Variants in PUDP observed in about 807,000 individuals in gnomAD.
PUDP encodes the protein pseudouridine 5'-phosphatase.
In PUDP, 8 loss-of-function variants were observed where a neutral mutation model predicts 9.4. The ratio of observed to expected loss-of-function variants is 0.85; its 90% CI spans 0.50 to 1.53. The LOEUF is 1.53. PUDP is among the 40% of genes most tolerant of loss of function. The pLI, the probability that PUDP is intolerant of heterozygous loss-of-function variation, is 0.00. For missense variants in PUDP, 188 were observed against 189.7 expected, an observed-to-expected ratio of 0.99 and a Z score of 0.05; for synonymous variants, 99 against 80.7, an observed-to-expected ratio of 1.23 and a Z score of -1.22.
intron 1 of PUDP, among the ~76,000 whole-genome samples, chrX:6,720,264 A>G (rs1436986026): frequency 3.2e-4 from 27 of 83,136 alleles, no homozygotes; most frequent in African/African-American, 1.3e-3. Context: ...GTGTGTATAT[A>G]TATATATATA....
chrX:7,050,202 G>T lies in PUDP; in HGVS notation c.*94C>A. ...TCAGGAGGCTAAAATCACAGCGCAG[G>T]TTGGGATTGAAGAGTTGCTGATTTC... On this transcript the variant is annotated 3_prime_UTR_variant, in exon 4 of 4. Transcript: ENST00000381077. 1.2e-6 allele frequency: 1 copy of T among 866,542 alleles called. No individual in the cohort carries two copies. The highest frequency in any genetic ancestry group is 1.6e-6 in the Non-Finnish European group (1 of 621,641). The allele number at this position is 866,542 out of a possible 1,213,427, so 71.4% of individuals were successfully genotyped here. A position where few individuals can be genotyped will look rare whatever the true frequency, so the allele number is the denominator to read the frequency against.
intron 1 of PUDP, among the ~76,000 whole-genome samples, chrX:6,982,208 C>T (rs1157459455): frequency 8.9e-6 from 1 of 111,875 alleles, no homozygotes; most frequent in Non-Finnish European, 1.9e-5. Flanking sequence ...CACAGGTGTT[C>T]ATAGTGTAAC....
intron 1 of PUDP, among the ~76,000 whole-genome samples, chrX:7,139,207 C>G (rs1473198334): frequency 8.9e-6 from 1 of 112,179 alleles, no homozygotes; most frequent in Non-Finnish European, 1.9e-5. Context: ...AATTTTGAAG[C>G]CTTTGTAACA....
intron 3 of PUDP, among the ~76,000 whole-genome samples, chrX:7,062,473 G>A (rs1044581037): frequency 3.6e-5 from 4 of 111,838 alleles, no homozygotes; most frequent in Non-Finnish European, 7.5e-5. Flanking sequence ...GGAAATGGAA[G>A]GTGTGTGTGG....
chrX:7,121,644 G>A (rs921863411), intron 1 of PUDP, among the ~76,000 whole-genome samples: 1 of 111,545 alleles, frequency 9.0e-6, no homozygotes. Flanking sequence ...CTCCCAGAGA[G>A]AAAAGATCCA....
intron 3 of PUDP, among the ~76,000 whole-genome samples, chrX:6,901,075 C>T (rs1017307607): frequency 3.6e-5 from 4 of 111,410 alleles, no homozygotes; most frequent in Non-Finnish European, 7.5e-5. Flanking sequence ...TGCGCCCGGC[C>T]GACCAATTAT....
intron 3 of PUDP, among the ~76,000 whole-genome samples, chrX:6,773,819 A>T (rs1027087711): frequency 6.3e-5 from 7 of 111,327 alleles, no homozygotes; most frequent in African/African-American, 2.3e-4. Context: ...TTCTGCACAA[A>T]CTGCCCCTTA....
chrX:7,099,062 G>A (rs1422283539), intron 2 of PUDP, among the ~76,000 whole-genome samples: 1 of 112,394 alleles, frequency 8.9e-6, no homozygotes, highest in African/African-American at 3.2e-5. Flanking sequence ...GAAAACACAT[G>A]GGAAAGCAGA....
At chrX:6,991,540 T>C (rs1292538640) in intron 1 of PUDP, among the ~76,000 whole-genome samples, 4 of 109,638 alleles carry the variant, frequency 3.6e-5, no homozygotes, top group Non-Finnish European at 7.6e-5. Context: ...TAGCTGGGCA[T>C]GGTGGCATGT....
At chrX:7,085,208 C>T (rs1393248658) in intron 2 of PUDP, 1 of 112,642 alleles carries the variant, frequency 8.9e-6, no homozygotes. Flanking sequence ...GCTGAAAGCA[C>T]TTACTGTTGC....
At chrX:7,110,027 T>C (rs747979369) in intron 1 of PUDP, among the ~76,000 whole-genome samples, 14 of 112,398 alleles carry the variant, frequency 1.2e-4, no homozygotes, top group East Asian at 8.5e-4. Flanking sequence ...GCTTCTGTAG[T>C]AGCTGCAAGG....
At chrX:6,784,790 C>T (rs1211637586) in intron 3 of PUDP, among the ~76,000 whole-genome samples, 1 of 112,272 alleles carries the variant, frequency 8.9e-6, no homozygotes, top group African/African-American at 3.2e-5. Flanking sequence ...AATGATTAAT[C>T]TTCGCAAGCT....
intron 3 of PUDP, among the ~76,000 whole-genome samples, chrX:6,888,592 G>C (rs58805507): frequency 8.4e-4 from 93 of 111,303 alleles, no homozygotes; most frequent in African/African-American, 2.9e-3. Flanking sequence ...GGAGGTTGCA[G>C]TGAGCCGAGA....
At chrX:6,972,233 T>C (rs1928888418) in intron 3 of PUDP, among the ~76,000 whole-genome samples, 2 of 111,913 alleles carry the variant, frequency 1.8e-5, no homozygotes, top group South Asian at 7.6e-4. Context: ...GGCCAGAACT[T>C]CCAATATGAT....
In PUDP at chrX:7,077,393, T is replaced by C; in HGVS notation, c.337A>G (p.Thr113Ala). Residue 113 changes from threonine to alanine, a missense_variant, in exon 3 of 4, where the codon ACC (threonine) becomes GCC (alanine). Physicochemically the swap from Thr to Ala is moderately conservative, Grantham distance 58 (BLOSUM62 0). Coordinates refer to ENST00000381077, the MANE Select transcript of PUDP (RefSeq NM_012080.5). ...RKHGIPFALATSSGSASFDMK... is the reference protein window; with the variant it reads ...RKHGIPFALAASSGSASFDMK... The stretch of plus-strand genomic sequence containing the variant: ...TCGAACGACGCGGACCCCGAGCTGG[T>C]GGCCAGTGCAAAGGGGATGCCATGT... The C allele has an allele frequency of 8.3e-7, 1 of 1,211,043 alleles. No individual in the cohort carries two copies. Among genetic ancestry groups the C allele is most frequent in the Non-Finnish European group, 1.1e-6 (1 of 895,140 alleles).
rs1488364311 is a variant in PUDP, at chrX:7,020,107, A to C, written c.205-41764T>G. On this transcript the variant is annotated intron_variant and NMD_transcript_variant, in intron 1 of 3. Coordinates refer to the PUDP transcript ENST00000655425. ...TCTGACATGCTGGAGAGATAGTGGG[A>C]ATATGAGCTTAAGAGGTTCTAGTGT... is the stretch of plus-strand genomic sequence containing the variant. Among the ~76,000 whole-genome samples, 4 of 110,318 alleles carry C rather than the reference A, an allele frequency of 3.6e-5. No individual in the cohort carries two copies. The East Asian group carries it at 1.2e-3, about 32-fold the overall frequency.
At chrX:6,740,807 G>A (rs17221265) in intron 3 of PUDP, among the ~76,000 whole-genome samples, 1,932 of 111,460 alleles carry the variant, frequency 0.017, 25 homozygotes, top group Non-Finnish European at 0.024. Context: ...TCTTATCAAC[G>A]AGTTCTAATA....
At chrX:6,844,992 G>A (rs1342923326) in intron 3 of PUDP, among the ~76,000 whole-genome samples, 1 of 112,229 alleles carries the variant, frequency 8.9e-6, no homozygotes, top group Admixed American at 9.4e-5. Flanking sequence ...CGTTTTATTT[G>A]GGCTCCCAAT....
intron 3 of PUDP, chrX:7,057,549 G>A: frequency 1.2e-6 from 1 of 856,521 alleles, no homozygotes; most frequent in Middle Eastern, 4.4e-4. Context: ...TGGAGAAGCT[G>A]ATTCTCATGT....
Sources: allele counts gnomAD v4.1 joint callset (sites outside exome capture counted in the v4.1 genomes callset), GRCh38; gene constraint gnomAD v4.1.1; transcripts MANE v1.5; gene names NCBI Gene and HGNC (gene_info 2026-07-23, HGNC 2026-07-21).